The following APP variants were observed in gnomAD, a reference collection of about 807,000 sequenced individuals.
The protein encoded by APP is amyloid-beta precursor protein.
A neutral mutation model predicts 101.4 loss-of-function variants in APP; 31 were observed. That is an observed-to-expected ratio of 0.31 (90% CI 0.23 to 0.41). APP has a LOEUF of 0.41. APP is among the 10% of genes least tolerant of loss of function. The pLI, the probability that APP is intolerant of heterozygous loss-of-function variation, is 1.00. For missense variants in APP, 839 were observed against 1,003.7 expected (o/e 0.84, Z 2.22); for synonymous variants, 366 against 364.4 (o/e 1.00, Z -0.05).
chr21:25,945,664 T>C (rs2040783915), intron 13 of APP: 2 of 292,094 alleles, frequency 6.8e-6, no homozygotes, highest in African/African-American at 4.6e-5. Flanking sequence ...TTTTGTGTAA[T>C]AGTGCCAAGA....
Position 26,051,030 on chromosome 21 carries a change from C to G in APP, c.632G>C (p.Gly211Ala), listed in dbSNP as rs781215285. 6.2e-7 allele frequency: 1 copy of G among 1,614,190 alleles called. No individual in the cohort carries two copies. Among genetic ancestry groups the G allele is most frequent in the Non-Finnish European group, 8.5e-7 (1 of 1,180,036 alleles). The stretch of plus-strand genomic sequence containing the variant: ...ATCTGCATAGTCTGTGTCTGCTCCG[C>G]CCCACCAGACATCCGAGTCATCCTC... ...AEEDDSDVWW[G>A]GADTDYADGS... Residue 211 changes from glycine to alanine, a missense_variant, in exon 5 of 18, where the codon GGC becomes GCC. Coordinates refer to ENST00000346798, the MANE Select transcript of APP (RefSeq NM_000484.4).
rs1414399056 is a variant in APP at position 26,095,134 on chromosome 21, G to A, written c.226-5062C>T. Among the ~76,000 whole-genome samples, 7 of 152,188 alleles carry A rather than the reference G, an allele frequency of 4.6e-5. No homozygotes were observed. In the South Asian group the frequency reaches 6.2e-4, roughly 14 times the overall value. On this transcript the variant is annotated intron_variant, in intron 2 of 17. Coordinates refer to ENST00000346798, the MANE Select transcript of APP (RefSeq NM_000484.4). ...GTTGGGATTACAGGCGTGAGCCACC[G>A]TGCCCGGCCTATATTTAATTTTAAG...
At chr21:26,002,334 AC>A (rs1477995087) in intron 6 of APP, among the ~76,000 whole-genome samples, 4 of 151,826 alleles carry the variant, frequency 2.6e-5, no homozygotes, top group African/African-American at 9.7e-5. Flanking sequence ...TGAAAGAGCA[AC>A]GTGTATAGGG....
intron 1 of APP, among the ~76,000 whole-genome samples, chr21:26,125,030 GA>G (rs2062652505): frequency 6.6e-6 from 1 of 152,220 alleles, no homozygotes; most frequent in South Asian, 2.1e-4. Context: ...GAGCTCTCAG[GA>G]AAGAGTGACT....
At chr21:25,949,490 G>A (rs533956157) in intron 13 of APP, among the ~76,000 whole-genome samples, 1 of 152,308 alleles carries the variant, frequency 6.6e-6, no homozygotes, top group African/African-American at 2.4e-5. Flanking sequence ...TGGTGCTTAC[G>A]CTAGATGTCA....
At chr21:25,985,411 G>A (rs755238820) in intron 8 of APP, among the ~76,000 whole-genome samples, 1 of 152,148 alleles carries the variant, frequency 6.6e-6, no homozygotes, top group East Asian at 1.9e-4. Context: ...GGAATCACCC[G>A]ATCTGCTGAG....
At chr21:25,954,750 CTTTCTTTTTTTCTTTTTT>C in intron 12 of APP, 61 bp from the exon 13 acceptor site, 1 of 1,434,108 alleles carries the variant, frequency 7.0e-7, no homozygotes, top group South Asian at 1.2e-5. Flanking sequence ...GGTTCTTTTT[CTTTCTTTTTTTCTTTTTT>C]TTTTGAGACG....
intron 15 of APP, among the ~76,000 whole-genome samples, chr21:25,901,011 G>T (rs925318913): frequency 3.1e-5 from 4 of 127,152 alleles, no homozygotes; most frequent in African/African-American, 1.4e-4. Context: ...AAAAGAATGA[G>T]CTCTCGGCCA....
chr21:25,880,812 T>A lies in APP; in HGVS notation c.*858A>T, dbSNP rs199762023. On this transcript the variant is annotated 3_prime_UTR_variant, in exon 18 of 18. Coordinates refer to ENST00000346798, the MANE Select transcript of APP (RefSeq NM_000484.4). ...AGAAAAGTCTTGCCCGGGGTTATTTTATTTAATTTATTTATGTAATACAGT... is the reference window on the plus strand; with the variant it reads ...AGAAAAGTCTTGCCCGGGGTTATTTAATTTAATTTATTTATGTAATACAGT... The A allele has an allele frequency of 3.9e-5, 6 of 152,598 alleles. No homozygotes were observed. Among genetic ancestry groups the A allele is most frequent in the South Asian group, 2.1e-4 (1 of 4,830 alleles). The allele number at this position is 152,598 out of a possible 1,614,324, so 9.5% of individuals were successfully genotyped here.
At chr21:26,110,670 TTAA>T (rs745898631) in intron 2 of APP, among the ~76,000 whole-genome samples, 4 of 151,972 alleles carry the variant, frequency 2.6e-5, no homozygotes, top group South Asian at 2.1e-4. Flanking sequence ...ATTAAACCTT[TTAA>T]TAATAATAAT....
chr21:25,992,468 T>C (rs955692149), intron 8 of APP, among the ~76,000 whole-genome samples: 5 of 152,210 alleles, frequency 3.3e-5, no homozygotes, highest in African/African-American at 9.7e-5. Context: ...TTTCATGTTA[T>C]TTCATCATGA....
intron 3 of APP, among the ~76,000 whole-genome samples, chr21:26,073,419 TC>T (rs1458848641): frequency 6.6e-6 from 1 of 151,566 alleles, no homozygotes; most frequent in African/African-American, 2.4e-5. Context: ...GCCCAGTGAG[TC>T]CGACAACCAG....
chr21:26,058,659 G>A (rs1358890449), intron 3 of APP, among the ~76,000 whole-genome samples: 1 of 152,226 alleles, frequency 6.6e-6, no homozygotes, highest in Non-Finnish European at 1.5e-5. Flanking sequence ...CTGCTGCCAG[G>A]ATGGCGGCAC....
intron 1 of APP, among the ~76,000 whole-genome samples, chr21:26,135,566 G>A (rs2062878221): frequency 6.6e-6 from 1 of 152,140 alleles, no homozygotes; most frequent in African/African-American, 2.4e-5. Context: ...TAGGACAAAT[G>A]CAAATTATAT....
At chr21:26,013,642 A>G (rs2043919895) in intron 6 of APP, among the ~76,000 whole-genome samples, 1 of 152,012 alleles carries the variant, frequency 6.6e-6, no homozygotes, top group Non-Finnish European at 1.5e-5. Context: ...TACTTCTGCT[A>G]TTCTATTTTT....
chr21:26,109,635 G>A lies in APP; in HGVS notation c.225+2344C>T, dbSNP rs551425642. Among the ~76,000 whole-genome samples the A allele has an allele frequency of 1.3e-4, 20 of 152,160 alleles. No individual in the cohort carries two copies. In the South Asian group the frequency reaches 1.5e-3, roughly 11 times the overall value. On this transcript the variant is annotated intron_variant, in intron 2 of 17. Coordinates refer to ENST00000346798, the MANE Select transcript of APP (RefSeq NM_000484.4). ...TAATACACCCTGGGACAAACAACAG[G>A]CTAAGACAGAAAGTAAAGCTACCCA... is the stretch of plus-strand genomic sequence containing the variant.
intron 15 of APP, 183 bp from the exon 16 acceptor site, chr21:25,897,856 A>T (rs1386363313): frequency 1.6e-6 from 1 of 607,404 alleles, no homozygotes; most frequent in Non-Finnish European, 2.9e-6. Flanking sequence ...ACCTATTTTG[A>T]ACAAAAAGAA....
intron 6 of APP, among the ~76,000 whole-genome samples, chr21:26,010,655 CAA>C (rs111850859): frequency 7.0e-6 from 1 of 142,768 alleles, no homozygotes. Context: ...ACTAAAACTA[CAA>C]AAAAAAAAAA....
intron 5 of APP, among the ~76,000 whole-genome samples, chr21:26,038,501 C>T (rs1212562173): frequency 2.6e-5 from 4 of 152,142 alleles, no homozygotes; most frequent in African/African-American, 4.8e-5. Context: ...CGGTGTCTCA[C>T]GCCTGTAATC....
Sources: allele counts gnomAD v4.1 joint callset (sites outside exome capture counted in the v4.1 genomes callset), GRCh38; gene constraint gnomAD v4.1.1; transcripts MANE v1.5; gene names NCBI Gene and HGNC (gene_info 2026-07-23, HGNC 2026-07-21).